SH3TC1: variants seen among roughly 807,000 people sequenced by gnomAD.
SH3TC1 encodes the protein SH3 domain and tetratricopeptide repeats 1, also known as SH3 domain and tetratricopeptide repeat-containing protein 1.
SH3TC1 carries 135 observed loss-of-function variants against 117.3 expected under a neutral mutation model. The observed-to-expected ratio is 1.15, with a 90% CI of 1.00 to 1.33. SH3TC1 has a LOEUF of 1.33. Among genes scored for constraint, SH3TC1 ranks in the 40% most tolerant of loss-of-function variants. The probability of loss-of-function intolerance (pLI) is 0.00; values close to 1 mark genes in which losing one functional copy is unlikely to be tolerated. For synonymous variants in SH3TC1, 898 were observed against 816.9 expected (o/e 1.10, Z -1.69); for missense variants, 2,092 against 1,794.3 (o/e 1.17, Z -3.00).
chr4:8,236,216 G>A, intron 15 of SH3TC1, 62 bp from the exon 16 acceptor site: 1 of 1,485,978 alleles, frequency 6.7e-7, no homozygotes, highest in Non-Finnish European at 9.0e-7. Context: ...TTTGAGCTCT[G>A]AGGAGGGCGC....
At chr4:8,238,647 G>T (rs1037261039) in intron 17 of SH3TC1, among the ~76,000 whole-genome samples, 1 of 152,174 alleles carries the variant, frequency 6.6e-6, no homozygotes, top group African/African-American at 2.4e-5. Flanking sequence ...GGTCAGAAGC[G>T]GTCCCTGTGG....
chr4:8,235,579 T>C lies in SH3TC1; in HGVS notation c.3405+24T>C, dbSNP rs376169474. On this transcript the variant is annotated intron_variant, in intron 15 of 17. Transcript: ENST00000245105. ...GGGTGAGCTGGCCTGTGGGCTGATG[T>C]GGGTGGGCCCCAGGGGGGGCACCTT... 7 of 1,562,052 alleles carry C rather than the reference T, an allele frequency of 4.5e-6. No individual in the cohort carries two copies. In the African/African-American group the frequency reaches 9.6e-5, roughly 21 times the overall value.
In SH3TC1 at chr4:8,225,386, G is replaced by A. The variant is rs974350018; in HGVS notation, c.1285+170G>A. On this transcript the variant is annotated intron_variant, in intron 11 of 17. Coordinates refer to ENST00000245105, the MANE Select transcript of SH3TC1 (RefSeq NM_018986.5). This position sits in a 1 kb window ranked among gnomAD's most constrained non-coding sequence, Gnocchi z 5.5. ...TGCCTGAGGTGGGCCTGAACCTCCC[G>A]TCCACTGTGGCACTGGAGGCCGTGG... 1.3e-5 allele frequency among the ~76,000 whole-genome samples: 2 copies of A among 152,100 alleles called. No homozygotes were observed. Among genetic ancestry groups the A allele is most frequent in the Admixed American group, 6.5e-5 (1 of 15,282 alleles).
In SH3TC1 at chr4:8,228,638, G is replaced by A. The variant is rs1264252927; in HGVS notation, c.2944G>A (p.Val982Met). The A allele has an allele frequency of 7.3e-6, 11 of 1,498,172 alleles. No homozygotes were observed. The highest frequency in any genetic ancestry group is 2.2e-4 in the Middle Eastern group (1 of 4,478). 92.8% of individuals were successfully genotyped at this position (1,498,172 alleles called of 1,614,324 possible). A position where few individuals can be genotyped will look rare whatever the true frequency, so the allele number is the denominator to read the frequency against. Residue 982 changes from valine (V) to methionine (M), a missense_variant, in exon 12 of 18, where the codon GTG (valine) becomes ATG (methionine). Physicochemically the swap from Val to Met is conservative, Grantham distance 21. Coordinates refer to ENST00000245105, the MANE Select transcript of SH3TC1 (RefSeq NM_018986.5). ...ALLVAVEMGH[V>M]ESQLRAVQRL... Reference sequence around the variant, plus strand: ...TCTGGTCGCCGTGGAGATGGGCCACGTGGAGAGTGAGTGCCCCAGTTCCTT... The same window carrying A: ...TCTGGTCGCCGTGGAGATGGGCCACATGGAGAGTGAGTGCCCCAGTTCCTT...
At position 8,232,061 on chromosome 4, in the gene SH3TC1, C is replaced by T. The variant is rs1446189401; in HGVS notation, c.3036C>T (p.Leu1012=). The change falls in exon 13 of 18, where the codon CTC becomes CTT. Residue 1012 remains leucine (L), a synonymous_variant. Coordinates refer to ENST00000245105, the MANE Select transcript of SH3TC1 (RefSeq NM_018986.5). ...SEAQCVIYHE[L]QLSLACKVAD... is the part of the protein sequence containing the mutation. ...CCCAGTGTGTCATCTACCATGAGCT[C>T]CAGCTCTCCCTGGCCTGCAAGGTGG... 4 of 1,613,434 alleles carry T rather than the reference C, an allele frequency of 2.5e-6. No homozygotes were observed. In the South Asian group the frequency reaches 4.4e-5, roughly 18 times the overall value.
At chr4:8,235,915 T>G in intron 15 of SH3TC1, 1 of 353,654 alleles carries the variant, frequency 2.8e-6, no homozygotes. Context: ...CAGGTCTGCA[T>G]GCACCCCGAA....
In SH3TC1 at chr4:8,227,812, C is replaced by T. The variant is rs763257688; in HGVS notation, c.2118C>T (p.Leu706=). 3.7e-6 allele frequency: 6 copies of T among 1,612,808 alleles called. No individual in the cohort carries two copies. Among genetic ancestry groups the T allele is most frequent in the South Asian group, 1.1e-5 (1 of 91,084 alleles). The change falls in exon 12 of 18, where the codon CTC becomes CTT. Residue 706 remains leucine, a synonymous_variant. Transcript: ENST00000245105. ...CGGGAGCCCCAGAGGCCGCGTGGCT[C>T]TCAGACTGCTACCTACTCCTGGCTG... The part of the protein sequence containing the change: ...RDSGAPEAAW[L]SDCYLLLADI...
intron 14 of SH3TC1, 60 bp from the exon 15 acceptor site, chr4:8,235,373 T>A: frequency 7.1e-7 from 1 of 1,408,764 alleles, no homozygotes; most frequent in Non-Finnish European, 9.3e-7. Context: ...GAGTCCGACC[T>A]GGGTGGGCGT....
intron 1 of SH3TC1, among the ~76,000 whole-genome samples, chr4:8,187,699 G>A (rs966418708): frequency 5.3e-5 from 8 of 152,008 alleles, no homozygotes; most frequent in African/African-American, 9.6e-5. Context: ...TTACAGGCAC[G>A]TGCCACCGCG....
chr4:8,228,739 A>T, intron 12 of SH3TC1, 95 bp downstream of exon 12: 1 of 1,106,602 alleles, frequency 9.0e-7, no homozygotes, highest in Non-Finnish European at 1.2e-6. Context: ...TGGTTTTTCC[A>T]CCATCGAAAG....
intron 17 of SH3TC1, among the ~76,000 whole-genome samples, chr4:8,237,940 A>G (rs773264640): frequency 2.6e-5 from 4 of 152,150 alleles, no homozygotes; most frequent in Non-Finnish European, 5.9e-5. Context: ...GGGGGATTGT[A>G]GTCAGGGGGG....
rs58753240 is a variant in SH3TC1, at chr4:8,206,832, CGTGTGT to C, written c.172+1498_172+1503del. Reference sequence around the variant, plus strand: ...AGGACTTTTACTTTGTGTGTGTACTCGTGTGTGTGTGTGTGTGTGTGTGTGTGTGTG... The same window carrying C: ...AGGACTTTTACTTTGTGTGTGTACTCGTGTGTGTGTGTGTGTGTGTGTGTG... On this transcript the variant is annotated intron_variant, in intron 2 of 17. Coordinates refer to ENST00000245105, the MANE Select transcript of SH3TC1 (RefSeq NM_018986.5). This position sits in a 1 kb window ranked among gnomAD's most constrained non-coding sequence, Gnocchi z 5.5. 2.3e-3 allele frequency among the ~76,000 whole-genome samples: 334 copies of C among 144,726 alleles called. No individual in the cohort carries two copies. Among genetic ancestry groups the C allele is most frequent in the Non-Finnish European group, 3.4e-3 (225 of 65,584 alleles). 94.9% of individuals were successfully genotyped at this position (144,726 alleles called of 152,430 possible). A position where few individuals can be genotyped will look rare whatever the true frequency, so the allele number is the denominator to read the frequency against.
chr4:8,240,154 G>C (rs1170514031), intron 17 of SH3TC1, among the ~76,000 whole-genome samples: 1 of 152,178 alleles, frequency 6.6e-6, no homozygotes, highest in Non-Finnish European at 1.5e-5. Flanking sequence ...TCCCAACCCA[G>C]GGATGGTGAG....
intron 11 of SH3TC1, 68 bp from the exon 12 acceptor site, chr4:8,226,912 C>G (rs1720502639): frequency 8.1e-7 from 1 of 1,229,972 alleles, no homozygotes; most frequent in African/African-American, 1.5e-5. Context: ...ATGAGGGGAC[C>G]CTGCCCCCAG....
intron 1 of SH3TC1, among the ~76,000 whole-genome samples, chr4:8,200,165 G>A (rs1465947978): frequency 6.6e-6 from 1 of 152,226 alleles, no homozygotes; most frequent in African/African-American, 2.4e-5. Context: ...GGGTGTTAGC[G>A]GTGTCGGCCA....
chr4:8,189,061 C>G (rs1717326982), intron 1 of SH3TC1, among the ~76,000 whole-genome samples: 1 of 152,284 alleles, frequency 6.6e-6, no homozygotes, highest in Non-Finnish European at 1.5e-5. Context: ...TTTGCCTCAG[C>G]AGAAGTGCAC....
intron 6 of SH3TC1, 53 bp from the exon 7 acceptor site, chr4:8,216,904 C>A: frequency 6.3e-7 from 1 of 1,581,280 alleles, no homozygotes. Flanking sequence ...GGGGCAGGGC[C>A]ACAGCTGCGC....
rs58753240 is a variant in SH3TC1 at position 8,206,832 on chromosome 4, CGTGTGTGTGTGTGTGT to C, written c.172+1488_172+1503del. On this transcript the variant is annotated intron_variant, in intron 2 of 17. Transcript: ENST00000245105. This position sits in a 1 kb window ranked among gnomAD's most constrained non-coding sequence, Gnocchi z 5.5. ...AGGACTTTTACTTTGTGTGTGTACT[CGTGTGTGTGTGTGTGT>C]GTGTGTGTGTGTGTGTGTGTGATTT... 1.4e-5 allele frequency among the ~76,000 whole-genome samples: 2 copies of C among 144,672 alleles called. No individual in the cohort carries two copies. The highest frequency in any genetic ancestry group is 2.6e-5 in the African/African-American group (1 of 39,192). The allele number at this position is 144,672 out of a possible 152,430, so 94.9% of individuals were successfully genotyped here. A position where few individuals can be genotyped will look rare whatever the true frequency, so the allele number is the denominator to read the frequency against.
intron 1 of SH3TC1, among the ~76,000 whole-genome samples, chr4:8,189,229 G>A (rs1020387847): frequency 4.6e-5 from 7 of 152,276 alleles, no homozygotes; most frequent in African/African-American, 1.7e-4. Context: ...GTGTGGTGCT[G>A]TGCTGGGCAC....
Sources: allele counts gnomAD v4.1 joint callset (sites outside exome capture counted in the v4.1 genomes callset), GRCh38; gene constraint gnomAD v4.1.1; non-coding constraint Gnocchi (gnomAD v3.1); transcripts MANE v1.5; gene names NCBI Gene and HGNC (gene_info 2026-07-23, HGNC 2026-07-21).